MB21D2: variants seen among roughly 807,000 people sequenced by gnomAD.
MB21D2 encodes the protein Mab-21 domain containing 2.
MB21D2 carries 9 observed loss-of-function variants against 33.3 expected under a neutral mutation model. The observed-to-expected ratio is 0.27, with a 90% confidence interval of 0.16 to 0.47. The LOEUF (loss-of-function observed/expected upper bound fraction) is 0.47. MB21D2 is among the 20% of genes least tolerant of loss of function. The pLI, the probability that MB21D2 is intolerant of heterozygous loss-of-function variation, is 0.99. For missense variants in MB21D2, 540 were observed against 624.6 expected (o/e 0.86, Z 1.44); for synonymous variants, 241 against 236.3 (o/e 1.02, Z -0.18).
intron 1 of MB21D2, among the ~76,000 whole-genome samples, chr3:192,887,983 G>A (rs951064052): frequency 9.2e-5 from 14 of 151,986 alleles, no homozygotes. Context: ...AACAGGGGAC[G>A]CGTAGGCTGC....
At position 192,883,377 on chromosome 3, in the gene MB21D2, A is replaced by G. The variant is rs375219739; in HGVS notation, c.211+34253T>C. Among the ~76,000 whole-genome samples, 217 of 152,274 alleles carry G rather than the reference A, an allele frequency of 1.4e-3. 3 individuals are homozygous for G. The South Asian group carries it at 0.018, about 13-fold the overall frequency. On this transcript the variant is annotated intron_variant, in intron 1 of 1. Transcript: ENST00000392452. Reference sequence around the variant, plus strand: ...AAAATTATCTATTGACAAGAAAAACATAAGAAAAGAAGATCTAGTTTGTAG... The same window carrying G: ...AAAATTATCTATTGACAAGAAAAACGTAAGAAAAGAAGATCTAGTTTGTAG...
Position 192,829,393 on chromosome 3 carries a change from C to T in MB21D2, c.212-29743G>A, listed in dbSNP as rs907295131. Among the ~76,000 whole-genome samples, 11 of 152,166 alleles carry T rather than the reference C, an allele frequency of 7.2e-5. 1 individual carries two copies. The highest frequency in any genetic ancestry group is 2.6e-4 in the Admixed American group (4 of 15,282). On this transcript the variant is annotated intron_variant, in intron 1 of 1. Coordinates refer to ENST00000392452, the MANE Select transcript of MB21D2 (RefSeq NM_178496.4). ...TCTCTCAGACGAATACCTGGAAGTG[C>T]GATCGCCGTTCCATTTTTTAAGGGT...
chr3:192,811,693 G>A (rs566977181), intron 1 of MB21D2, among the ~76,000 whole-genome samples: 85 of 152,196 alleles, frequency 5.6e-4, no homozygotes, highest in Admixed American at 1.3e-3. Flanking sequence ...TAAGACCTCT[G>A]GAAAGCTTTG....
At chr3:192,850,600 A>G (rs972714238) in intron 1 of MB21D2, among the ~76,000 whole-genome samples, 2 of 152,268 alleles carry the variant, frequency 1.3e-5, no homozygotes, top group African/African-American at 4.8e-5. Flanking sequence ...ACCCAGATAC[A>G]CATACACGTC....
intron 1 of MB21D2, among the ~76,000 whole-genome samples, chr3:192,878,044 A>G (rs1713473422): frequency 6.7e-6 from 1 of 150,050 alleles, no homozygotes; most frequent in Admixed American, 6.6e-5. Context: ...ACTAGGCAGG[A>G]ACGGCCCGTA....
intron 1 of MB21D2, among the ~76,000 whole-genome samples, chr3:192,885,408 C>T (rs1016412395): frequency 1.3e-5 from 2 of 152,060 alleles, no homozygotes; most frequent in Admixed American, 1.3e-4. Context: ...CAGTCCTCTA[C>T]TCATGAATAA....
At chr3:192,860,685 G>A (rs547781367) in intron 1 of MB21D2, among the ~76,000 whole-genome samples, 1 of 152,288 alleles carries the variant, frequency 6.6e-6, no homozygotes, top group East Asian at 1.9e-4. Context: ...CAGCAGAAGT[G>A]GAAGACTTTA....
At chr3:192,898,680 C>G (rs1490651012) in intron 1 of MB21D2, among the ~76,000 whole-genome samples, 3 of 152,154 alleles carry the variant, frequency 2.0e-5, no homozygotes, top group Admixed American at 2.0e-4. Context: ...AACAGATACA[C>G]AAAAGGCCAT....
rs910084746 is a variant in MB21D2 at position 192,916,120 on chromosome 3, A to ATT, written c.211+1508_211+1509dup. On this transcript the variant is annotated intron_variant, in intron 1 of 1. Transcript: ENST00000392452. The stretch of plus-strand genomic sequence containing the variant: ...GTTTTATATATATATATATATATAT[A>ATT]TTTAATTCATCTATTCATCTACATA... 5.8e-4 allele frequency among the ~76,000 whole-genome samples: 86 copies of ATT among 148,890 alleles called. 1 individual carries two copies. Among genetic ancestry groups the ATT allele is most frequent in the African/African-American group, 2.0e-3 (81 of 40,568 alleles).
chr3:192,844,154 C>T (rs539696224), intron 1 of MB21D2, among the ~76,000 whole-genome samples: 1 of 152,352 alleles, frequency 6.6e-6, no homozygotes, highest in South Asian at 2.1e-4. Flanking sequence ...GCCTCGCCAG[C>T]CCACGGGGCA....
intron 1 of MB21D2, among the ~76,000 whole-genome samples, chr3:192,803,944 T>TG (rs764172007): frequency 1.6e-4 from 24 of 152,138 alleles, no homozygotes; most frequent in Non-Finnish European, 3.1e-4. Flanking sequence ...TTCCCTTGGG[T>TG]GGGTCTCTTC....
At chr3:192,820,818 G>GC (rs1253280636) in intron 1 of MB21D2, among the ~76,000 whole-genome samples, 1 of 152,168 alleles carries the variant, frequency 6.6e-6, no homozygotes, top group Non-Finnish European at 1.5e-5. Context: ...AGGCTGAAAT[G>GC]CAACGGTGTG....
intron 1 of MB21D2, among the ~76,000 whole-genome samples, chr3:192,850,034 T>C (rs1712765493): frequency 6.6e-6 from 1 of 151,784 alleles, no homozygotes; most frequent in Non-Finnish European, 1.5e-5. Context: ...TTCTCCTGCC[T>C]CAGCTTCCTG....
chr3:192,808,486 C>A (rs1011750189), intron 1 of MB21D2, among the ~76,000 whole-genome samples: 6 of 152,188 alleles, frequency 3.9e-5, no homozygotes, highest in Admixed American at 3.9e-4. Context: ...TTTCACTAAG[C>A]AGAACATATA....
chr3:192,810,695 A>C (rs960116475), intron 1 of MB21D2, among the ~76,000 whole-genome samples: 4 of 152,216 alleles, frequency 2.6e-5, no homozygotes, highest in Non-Finnish European at 5.9e-5. Flanking sequence ...TTTTGGCATA[A>C]TATGTTAAGG....
At chr3:192,847,498 G>A (rs1404363133) in intron 1 of MB21D2, among the ~76,000 whole-genome samples, 1 of 152,162 alleles carries the variant, frequency 6.6e-6, no homozygotes, top group Non-Finnish European at 1.5e-5. Flanking sequence ...TGTAAAATAT[G>A]ATCAACTCAC....
intron 1 of MB21D2, among the ~76,000 whole-genome samples, chr3:192,801,936 C>A (rs1711569424): frequency 6.6e-6 from 1 of 152,128 alleles, no homozygotes; most frequent in Admixed American, 6.5e-5. Context: ...TTATCATTTT[C>A]TTTTTAAAAC....
chr3:192,904,510 G>A lies in MB21D2; in HGVS notation c.211+13120C>T, dbSNP rs147509757. Among the ~76,000 whole-genome samples the A allele has an allele frequency of 5.0e-3, 759 of 152,190 alleles. 9 individuals carry two copies. Among genetic ancestry groups the A allele is most frequent in the African/African-American group, 0.015 (609 of 41,524 alleles). ...TAAAGTTCTATCAGCCCAGACCCTC[G>A]GCCCCGGGCCCTTGGCTGCGGTTCT... On this transcript the variant is annotated intron_variant, in intron 1 of 1. Transcript: ENST00000392452.
intron 1 of MB21D2, among the ~76,000 whole-genome samples, chr3:192,856,946 TAAC>T (rs781738287): frequency 2.6e-5 from 4 of 152,182 alleles, no homozygotes; most frequent in South Asian, 2.1e-4. Context: ...AGAAAAATAA[TAAC>T]AATGATGAGG....
Sources: allele counts gnomAD v4.1 joint callset (sites outside exome capture counted in the v4.1 genomes callset), GRCh38; gene constraint gnomAD v4.1.1; transcripts MANE v1.5; gene names NCBI Gene and HGNC (gene_info 2026-07-23, HGNC 2026-07-21).